COL11A1: variants seen among roughly 807,000 people sequenced by gnomAD.
The protein encoded by COL11A1 is collagen type XI alpha 1 chain.
In COL11A1, 74 loss-of-function variants were observed where a neutral mutation model predicts 265.2. The ratio of observed to expected loss-of-function variants is 0.28; its 90% CI spans 0.23 to 0.34. COL11A1 has a LOEUF of 0.34. Among genes scored for constraint, COL11A1 ranks in the 10% least tolerant of loss-of-function variants. The pLI is 1.00. For synonymous variants in COL11A1, 816 were observed against 727.6 expected, an observed-to-expected ratio of 1.12 and a Z score of -1.96; for missense variants, 2,165 against 2,263.6, an observed-to-expected ratio of 0.96 and a Z score of 0.88.
chr1:103,031,372 T>C (rs1275783178), intron 4 of COL11A1, 128 bp from the exon 5 acceptor site: 1 of 1,161,760 alleles, frequency 8.6e-7, no homozygotes, highest in Non-Finnish European at 1.2e-6. Flanking sequence ...TACTTATATT[T>C]CAATGTTAAG....
At chr1:103,080,830 G>T (rs894947306) in intron 2 of COL11A1, among the ~76,000 whole-genome samples, 3 of 151,796 alleles carry the variant, frequency 2.0e-5, no homozygotes, top group African/African-American at 7.2e-5. Flanking sequence ...AATGCAATCA[G>T]TATGTCAAAG....
intron 4 of COL11A1, among the ~76,000 whole-genome samples, chr1:103,067,460 A>C (rs927280375): frequency 6.6e-6 from 1 of 151,842 alleles, no homozygotes; most frequent in African/African-American, 2.4e-5. Context: ...GACATAGTAA[A>C]ATTGTGTTAC....
intron 4 of COL11A1, among the ~76,000 whole-genome samples, chr1:103,069,557 A>G (rs1671410272): frequency 6.6e-6 from 1 of 151,942 alleles, no homozygotes; most frequent in South Asian, 2.1e-4. Context: ...ATTAAACTTT[A>G]TCAAAATTAA....
chr1:102,985,360 G>A (rs1663435529), intron 30 of COL11A1, among the ~76,000 whole-genome samples: 1 of 152,038 alleles, frequency 6.6e-6, no homozygotes, highest in Non-Finnish European at 1.5e-5. Context: ...TTGAACTAAA[G>A]AGTTGTCCAA....
chr1:103,026,113 A>G (rs1287847864), intron 6 of COL11A1, 103 bp downstream of exon 6: 1 of 1,192,700 alleles, frequency 8.4e-7, no homozygotes, highest in Non-Finnish European at 1.3e-6. Context: ...GAGAAATAAG[A>G]TGAATGAAAG....
At position 102,984,251 on chromosome 1, in the gene COL11A1, T is replaced by C. The variant is rs999857977; in HGVS notation, c.2503-60A>G. 5 of 1,132,328 alleles carry C rather than the reference T, an allele frequency of 4.4e-6. No individual in the cohort carries two copies. The African/African-American group carries it at 7.8e-5, about 18-fold the overall frequency. 70.1% of individuals were successfully genotyped at this position (1,132,328 alleles called of 1,614,324 possible). On this transcript the variant is annotated intron_variant, in intron 30 of 66. Coordinates refer to ENST00000370096, the MANE Select transcript of COL11A1 (RefSeq NM_001854.4). The stretch of plus-strand genomic sequence containing the variant: ...TTTAAGTTGAATTAAGCTTAAATAA[T>C]GATTTCAATTTTTTTTAAATATTAG...
chr1:103,099,357 T>C (rs1263141460), intron 1 of COL11A1, among the ~76,000 whole-genome samples: 4 of 151,512 alleles, frequency 2.6e-5, no homozygotes, highest in Non-Finnish European at 3.0e-5. Flanking sequence ...ACATAAAACA[T>C]ATAATTTACT....
intron 49 of COL11A1, 84 bp from the exon 50 acceptor site, chr1:102,915,768 A>G: frequency 1.9e-6 from 2 of 1,071,868 alleles, no homozygotes; most frequent in Non-Finnish European, 1.4e-6. Context: ...ATATCATTTT[A>G]GATTAGCCCT....
rs145285755 is a variant in COL11A1, at chr1:102,937,970, G to C, written c.3438+1065C>G. On this transcript the variant is annotated intron_variant, in intron 44 of 66. Coordinates refer to ENST00000370096, the MANE Select transcript of COL11A1 (RefSeq NM_001854.4). ...CATAATTTTACAGCATGGATCTGGA[G>C]TATCAGTGCTATCACCTGTTTGTTG... Among the ~76,000 whole-genome samples, 778 of 152,314 alleles carry C rather than the reference G, an allele frequency of 5.1e-3. 2 individuals carry two copies. The highest frequency in any genetic ancestry group is 8.2e-3 in the Non-Finnish European group (559 of 68,032).
chr1:102,951,653 T>C (rs974697394), intron 41 of COL11A1, among the ~76,000 whole-genome samples: 1 of 151,974 alleles, frequency 6.6e-6, no homozygotes, highest in African/African-American at 2.4e-5. Context: ...GGCAGGAGAA[T>C]AGCGTGAATC....
chr1:102,944,161 G>T (rs1659021964), intron 42 of COL11A1, among the ~76,000 whole-genome samples: 1 of 152,094 alleles, frequency 6.6e-6, no homozygotes, highest in South Asian at 2.1e-4. Flanking sequence ...TAAACCTGCT[G>T]ATAACTGCAT....
In COL11A1 at chr1:102,982,875, C is replaced by T. The variant is rs541320678; in HGVS notation, c.2556+1263G>A. On this transcript the variant is annotated intron_variant, in intron 31 of 66. Coordinates refer to ENST00000370096, the MANE Select transcript of COL11A1 (RefSeq NM_001854.4). ...CATGTGAAACTTATGAATAGACACA[C>T]GTTTAAGAATGTTACAGAAACAGGA... 3.9e-5 allele frequency among the ~76,000 whole-genome samples: 6 copies of T among 152,080 alleles called. No individual in the cohort carries two copies. The South Asian group carries it at 8.3e-4, about 21-fold the overall frequency.
intron 41 of COL11A1, among the ~76,000 whole-genome samples, chr1:102,947,459 A>T (rs1264417602): frequency 1.3e-5 from 2 of 152,068 alleles, no homozygotes; most frequent in Non-Finnish European, 2.9e-5. Flanking sequence ...TACACACAAA[A>T]TTTTTTACAA....
At chr1:103,091,195 A>G (rs1006977930) in intron 1 of COL11A1, among the ~76,000 whole-genome samples, 1 of 152,120 alleles carries the variant, frequency 6.6e-6, no homozygotes. Context: ...TTTATTAAAG[A>G]TTTAAAAATG....
chr1:102,948,004 A>C (rs1204318479), intron 41 of COL11A1, among the ~76,000 whole-genome samples: 3 of 151,826 alleles, frequency 2.0e-5, no homozygotes, highest in Non-Finnish European at 4.4e-5. Context: ...ATCATTTCAA[A>C]ACTCAGAGAA....
At chr1:103,006,030 A>G (rs1665574836) in intron 17 of COL11A1, 38 bp downstream of exon 17, 2 of 1,612,582 alleles carry the variant, frequency 1.2e-6, no homozygotes, top group East Asian at 4.5e-5. Flanking sequence ...GAGTGAACTG[A>G]CACAGGATGT....
Position 103,012,433 on chromosome 1 carries a change from T to C in COL11A1, c.1609A>G (p.Thr537Ala). The change falls in exon 14 of 67, where the codon ACT becomes GCT. Residue 537 changes from threonine to alanine, a missense_variant. Coordinates refer to ENST00000370096, the MANE Select transcript of COL11A1 (RefSeq NM_001854.4). Reference sequence around the variant, plus strand: ...CCTACCACAGGACCTGGTCTTCCAGTTAGACCCATTGGGCCAGGTGGGCCT... The same window carrying C: ...CCTACCACAGGACCTGGTCTTCCAGCTAGACCCATTGGGCCAGGTGGGCCT... The part of the protein sequence containing the change: ...LRGPPGPMGL[T>A]GRPGPVGGPG... 1.2e-6 allele frequency: 2 copies of C among 1,613,360 alleles called. No homozygotes were observed. The highest frequency in any genetic ancestry group is 1.3e-5 in the African/African-American group (1 of 75,032).
chr1:102,994,200 G>C (rs1570972147), intron 28 of COL11A1, among the ~76,000 whole-genome samples: 1 of 151,932 alleles, frequency 6.6e-6, no homozygotes, highest in Non-Finnish European at 1.5e-5. Flanking sequence ...GACTGTCCTT[G>C]AAAAAATATT....
intron 48 of COL11A1, among the ~76,000 whole-genome samples, chr1:102,921,157 AC>A (rs1655949456): frequency 6.6e-6 from 1 of 152,348 alleles, no homozygotes; most frequent in East Asian, 1.9e-4. Context: ...CAAAGCTTTT[AC>A]ATGAAAGCCA....
Sources: gnomAD v4.1 joint callset for allele counts (sites outside exome capture counted in the v4.1 genomes callset) on GRCh38, gnomAD v4.1.1 for gene constraint, MANE v1.5 for transcripts, NCBI Gene and HGNC (gene_info 2026-07-23, HGNC 2026-07-21) for gene names.